Variants in SMAP1 observed in about 807,000 individuals in gnomAD.
SMAP1 encodes the protein small ArfGAP 1.
In SMAP1, 24 loss-of-function variants were observed where a neutral mutation model predicts 58.5. That is an observed-to-expected ratio of 0.41 (90% CI 0.30 to 0.58). SMAP1 has a LOEUF of 0.58. Ranked by LOEUF, SMAP1 falls within the 20% of genes least tolerant of loss-of-function variation. SMAP1 has a pLI of 0.29. For synonymous variants in SMAP1, 216 were observed against 196.6 expected (o/e 1.10, Z -0.82); for missense variants, 563 against 566.3 (o/e 0.99, Z 0.06).
At chr6:70,831,726 A>G (rs886838125) in intron 6 of SMAP1, among the ~76,000 whole-genome samples, 5 of 152,172 alleles carry the variant, frequency 3.3e-5, no homozygotes, top group Non-Finnish European at 7.3e-5. Context: ...TGCGATGAAC[A>G]TACGTGTGGA....
chr6:70,860,681 CTAATAGTA>C lies in SMAP1; in HGVS notation c.*351_*358del, dbSNP rs1771680458. The C allele has an allele frequency of 2.4e-6, 1 of 410,018 alleles. No homozygotes were observed. Among genetic ancestry groups the C allele is most frequent in the Non-Finnish European group, 4.3e-6 (1 of 232,492 alleles). 25.4% of individuals were successfully genotyped at this position (410,018 alleles called of 1,614,324 possible). A position where few individuals can be genotyped will look rare whatever the true frequency, so the allele number is the denominator to read the frequency against. The stretch of plus-strand genomic sequence containing the variant: ...AGTAGTTATCATGTTAGTAATACCT[CTAATAGTA>C]TAAACCCCACCCCAAAATTAGCCAG... On this transcript the variant is annotated 3_prime_UTR_variant, in exon 11 of 11. Coordinates refer to ENST00000370455, the MANE Select transcript of SMAP1 (RefSeq NM_001044305.3).
At chr6:70,731,788 AT>A (rs1266870909) in intron 1 of SMAP1, among the ~76,000 whole-genome samples, 7 of 151,696 alleles carry the variant, frequency 4.6e-5, no homozygotes, top group Non-Finnish European at 5.9e-5. Flanking sequence ...GTAGTTAAAA[AT>A]TTTTTTTTCC....
intron 1 of SMAP1, among the ~76,000 whole-genome samples, chr6:70,698,259 C>CAT (rs1404327271): frequency 3.3e-5 from 5 of 152,192 alleles, no homozygotes; most frequent in Non-Finnish European, 7.3e-5. Context: ...TCCACTGAGA[C>CAT]ATATGCTGCC....
At chr6:70,835,025 G>T (rs150986244) in intron 6 of SMAP1, among the ~76,000 whole-genome samples, 1 of 151,644 alleles carries the variant, frequency 6.6e-6, no homozygotes, top group African/African-American at 2.4e-5. Context: ...CGAGGCTAGC[G>T]GATCATGAGG....
chr6:70,725,093 GT>G (rs745587315), intron 1 of SMAP1, among the ~76,000 whole-genome samples: 11 of 47,822 alleles, frequency 2.3e-4, no homozygotes, highest in African/African-American at 8.0e-4. Context: ...ATTAACCAGT[GT>G]TTTTTTTTTT....
intron 7 of SMAP1, among the ~76,000 whole-genome samples, chr6:70,842,625 C>A (rs950417876): frequency 6.6e-6 from 1 of 152,108 alleles, no homozygotes; most frequent in Non-Finnish European, 1.5e-5. Flanking sequence ...CTTCAAACTA[C>A]GAGTAACAGG....
intron 3 of SMAP1, among the ~76,000 whole-genome samples, chr6:70,768,820 C>T (rs1477185364): frequency 6.6e-6 from 1 of 152,102 alleles, no homozygotes; most frequent in Non-Finnish European, 1.5e-5. Flanking sequence ...TCTTGCTTTT[C>T]TAGTTCTTTT....
At chr6:70,773,151 A>G (rs1039886910) in intron 3 of SMAP1, 199 bp from the exon 4 acceptor site, 1 of 426,476 alleles carries the variant, frequency 2.3e-6, no homozygotes, top group South Asian at 3.7e-5. Flanking sequence ...TCAGTGAGAA[A>G]ATTTCCTGAA....
intron 2 of SMAP1, among the ~76,000 whole-genome samples, chr6:70,735,717 C>G (rs1562123547): frequency 6.6e-6 from 1 of 152,134 alleles, no homozygotes; most frequent in Non-Finnish European, 1.5e-5. Context: ...TGCAGTAAGC[C>G]AAGATCCTGC....
intron 5 of SMAP1, among the ~76,000 whole-genome samples, chr6:70,796,628 T>A (rs1768618644): frequency 6.6e-6 from 1 of 152,196 alleles, no homozygotes; most frequent in African/African-American, 2.4e-5. Context: ...CTTCCTTATT[T>A]CCAGTATAAA....
chr6:70,783,333 G>A (rs1297711830), intron 4 of SMAP1, among the ~76,000 whole-genome samples: 7 of 152,204 alleles, frequency 4.6e-5, no homozygotes, highest in East Asian at 3.9e-4. Flanking sequence ...AAAAGTAGAT[G>A]AAACCACAAA....
At chr6:70,850,564 T>C (rs1229628097) in intron 7 of SMAP1, among the ~76,000 whole-genome samples, 3 of 151,174 alleles carry the variant, frequency 2.0e-5, no homozygotes, top group Admixed American at 1.3e-4. Flanking sequence ...ATACATTTTA[T>C]ATATATAATT....
At chr6:70,785,111 C>G (rs1179461991) in intron 4 of SMAP1, among the ~76,000 whole-genome samples, 1 of 152,194 alleles carries the variant, frequency 6.6e-6, no homozygotes, top group Non-Finnish European at 1.5e-5. Context: ...GTCTCTCAGA[C>G]CACAGTGCAA....
Position 70,831,429 on chromosome 6 carries a change from C to G in SMAP1, c.577-5512C>G, listed in dbSNP as rs575682596. ...CCTCTCCCTCCTTCCACCCTCCAAC[C>G]TGAAGTAGGTCCCAGTGTCTGTTGT... On this transcript the variant is annotated intron_variant, in intron 6 of 10. Coordinates refer to ENST00000370455, the MANE Select transcript of SMAP1 (RefSeq NM_001044305.3). Among the ~76,000 whole-genome samples the G allele has an allele frequency of 2.2e-4, 34 of 152,258 alleles. No homozygotes were observed. In the South Asian group the frequency reaches 7.1e-3, roughly 32 times the overall value.
intron 2 of SMAP1, among the ~76,000 whole-genome samples, chr6:70,737,339 G>T (rs1039250030): frequency 1.3e-5 from 2 of 152,064 alleles, no homozygotes; most frequent in East Asian, 3.9e-4. Context: ...TAGAGACAGG[G>T]TTTCGTCATG....
chr6:70,711,165 A>C (rs1582042439), intron 1 of SMAP1, among the ~76,000 whole-genome samples: 1 of 152,226 alleles, frequency 6.6e-6, no homozygotes, highest in Non-Finnish European at 1.5e-5. Context: ...CCAGTACCAT[A>C]GTCATTTATT....
intron 7 of SMAP1, among the ~76,000 whole-genome samples, chr6:70,839,818 G>A: frequency 6.6e-6 from 1 of 152,034 alleles, no homozygotes. Context: ...AATATTTTCA[G>A]ACTTTTTTTT....
intron 8 of SMAP1, 120 bp downstream of exon 8, chr6:70,852,784 T>A (rs1300773672): frequency 8.3e-7 from 1 of 1,204,330 alleles, no homozygotes. Context: ...TCTCCTGTTC[T>A]TTAGGCTAGA....
At chr6:70,775,026 T>A (rs1274245086) in intron 4 of SMAP1, among the ~76,000 whole-genome samples, 5 of 150,594 alleles carry the variant, frequency 3.3e-5, no homozygotes, top group African/African-American at 7.3e-5. Context: ...AAAAAAAAAA[T>A]TAAGTTTTCA....
Sources: allele counts gnomAD v4.1 joint callset (sites outside exome capture counted in the v4.1 genomes callset), GRCh38; gene constraint gnomAD v4.1.1; transcripts MANE v1.5; gene names NCBI Gene and HGNC (gene_info 2026-07-23, HGNC 2026-07-21).